AXIN1: variants seen among roughly 807,000 people sequenced by gnomAD.
The protein encoded by AXIN1 is axin 1.
A neutral mutation model predicts 76.4 loss-of-function variants in AXIN1; 30 were observed. The ratio of observed to expected loss-of-function variants is 0.39; its 90% CI spans 0.29 to 0.53. The LOEUF is 0.53. Among genes scored for constraint, AXIN1 ranks in the 20% least tolerant of loss-of-function variants. AXIN1 has a pLI of 0.66. For synonymous variants in AXIN1, 545 were observed against 501.4 expected, an observed-to-expected ratio of 1.09 and a Z score of -1.16; for missense variants, 1,140 against 1,198.8, an observed-to-expected ratio of 0.95 and a Z score of 0.72.
chr16:293,685 C>A lies in AXIN1; in HGVS notation c.1989G>T (p.Glu663Asp), dbSNP rs750092964. 7 of 1,613,602 alleles carry A rather than the reference C, an allele frequency of 4.3e-6. No homozygotes were observed. The highest frequency in any genetic ancestry group is 1.6e-4 in the Middle Eastern group (1 of 6,074). Residue 663 changes from glutamate (E) to aspartate (D), a missense_variant, in exon 8 of 11, where the codon GAG becomes GAT. By Grantham distance (45) the Glu-to-Asp change is conservative. Around this residue, in one of 3 missense-constraint regions of AXIN1, gnomAD observed 429 missense variants for 405.8 expected, o/e 1.06. Transcript: ENST00000262320. The surrounding 1 kb of genome is among the most constrained non-coding windows in gnomAD (Gnocchi z 4.6). ...GCTCAAGGGACAAGGGTCTGGAGTT[C>A]TCATGGGGCTGTGGCTTCCTCGTCC... is the stretch of plus-strand genomic sequence containing the variant. Reference protein sequence around the residue: ...SSGTRKPQPHENSRPLSLEHP... With the variant: ...SSGTRKPQPHDNSRPLSLEHP...
intron 6 of AXIN1, 132 bp downstream of exon 6, chr16:297,590 C>A: frequency 7.6e-7 from 1 of 1,316,250 alleles, no homozygotes; most frequent in Non-Finnish European, 1.0e-6. Flanking sequence ...CCAGTCCACT[C>A]CCTCCAGCAG....
intron 5 of AXIN1, among the ~76,000 whole-genome samples, chr16:298,731 G>A (rs1346501239): frequency 6.6e-6 from 1 of 151,526 alleles, no homozygotes; most frequent in Non-Finnish European, 1.5e-5. Flanking sequence ...GGCTGGTCTC[G>A]AATGCCTGAG....
intron 2 of AXIN1, among the ~76,000 whole-genome samples, chr16:343,605 A>AG: frequency 6.6e-6 from 1 of 151,212 alleles, no homozygotes; most frequent in East Asian, 1.9e-4. Context: ...CGGGAGGCTG[A>AG]GGCAGGAGAC....
At chr16:300,231 C>T (rs749017313) in intron 5 of AXIN1, among the ~76,000 whole-genome samples, 4 of 152,126 alleles carry the variant, frequency 2.6e-5, no homozygotes, top group African/African-American at 4.8e-5. Flanking sequence ...TGTGAGCCAC[C>T]ACACCTAATC....
At position 287,927 on chromosome 16, in the gene AXIN1, T is replaced by TG. The variant is rs1428211659; in HGVS notation, c.*194dup. 6 of 873,858 alleles carry TG rather than the reference T, an allele frequency of 6.9e-6. No homozygotes were observed. The African/African-American group carries it at 9.9e-5, about 14-fold the overall frequency. 54.1% of individuals were successfully genotyped at this position (873,858 alleles called of 1,614,324 possible). On this transcript the variant is annotated 3_prime_UTR_variant, in exon 11 of 11. Coordinates refer to ENST00000262320, the MANE Select transcript of AXIN1 (RefSeq NM_003502.4). ...TGAGGAGTGGTCCAGGCTGCCTCCT[T>TG]GGGGGCAGGACAGAAGCTTGTGGAC...
At chr16:342,437 G>A (rs994995769) in intron 2 of AXIN1, among the ~76,000 whole-genome samples, 2 of 152,150 alleles carry the variant, frequency 1.3e-5, no homozygotes, top group African/African-American at 2.4e-5. Flanking sequence ...CCCCTAACAC[G>A]TGAGGCCTAA....
At chr16:291,162 A>T (rs1253700058) in intron 9 of AXIN1, 28 bp downstream of exon 9, 1 of 1,555,490 alleles carries the variant, frequency 6.4e-7, no homozygotes, top group Admixed American at 1.9e-5. Context: ...GGTGGGCAGG[A>T]CCGGGAGGAC....
intron 2 of AXIN1, 26 bp from the exon 3 acceptor site, chr16:314,709 T>C (rs111593361): frequency 6.2e-7 from 1 of 1,612,568 alleles, no homozygotes; most frequent in Non-Finnish European, 8.5e-7. Context: ...CAGGGCATGT[T>C]AGTGACAGCC....
chr16:315,923 C>T (rs559759898), intron 2 of AXIN1, among the ~76,000 whole-genome samples: 9 of 150,738 alleles, frequency 6.0e-5, no homozygotes, highest in African/African-American at 9.8e-5. Context: ...TGTGGTGGCA[C>T]GCACCTGTAA....
At chr16:320,992 C>A (rs1268802971) in intron 2 of AXIN1, among the ~76,000 whole-genome samples, 2 of 152,058 alleles carry the variant, frequency 1.3e-5, no homozygotes, top group African/African-American at 4.8e-5. Context: ...CCCGCCTCGG[C>A]CTCCCAAAGT....
At chr16:307,086 C>T (rs2053047760) in intron 4 of AXIN1, among the ~76,000 whole-genome samples, 1 of 152,204 alleles carries the variant, frequency 6.6e-6, no homozygotes. Context: ...GCCAGCACTG[C>T]AGGGACCACG....
chr16:318,265 G>C (rs1388322323), intron 2 of AXIN1, among the ~76,000 whole-genome samples: 3 of 152,212 alleles, frequency 2.0e-5, no homozygotes, highest in African/African-American at 7.2e-5. Flanking sequence ...AAACCTGTTT[G>C]TCTTTAAAAT....
chr16:297,356 C>T, intron 6 of AXIN1, 130 bp from the exon 7 acceptor site: 2 of 1,211,576 alleles, frequency 1.7e-6, no homozygotes, highest in Non-Finnish European at 2.3e-6. Flanking sequence ...TGTCCCCTGC[C>T]CGCTTGTCCC....
At position 297,974 on chromosome 16, in the gene AXIN1, G is replaced by A. The variant is rs140190126; in HGVS notation, c.1532C>T (p.Ser511Leu). 79 of 1,601,306 alleles carry A rather than the reference G, an allele frequency of 4.9e-5. No homozygotes were observed. Among genetic ancestry groups the A allele is most frequent in the Middle Eastern group, 1.7e-4 (1 of 6,052 alleles). The change falls in exon 6 of 11, where the codon TCG becomes TTG. Residue 511 changes from serine to leucine, a missense_variant. Physicochemically the swap from Ser to Leu is moderately radical, Grantham distance 145. This residue lies in a region of AXIN1 where 708 missense variants were observed against 776.9 expected (regional missense o/e 0.91). Coordinates refer to ENST00000262320, the MANE Select transcript of AXIN1 (RefSeq NM_003502.4). ...CTTGGGTACGTGCTTCCCGTGCCCC[G>A]AGGCGGCACCCCCCAGTGCCACTGG... ...KMPVALGGAA[S>L]GHGKHVPKSG...
At chr16:318,794 C>T (rs2053365582) in intron 2 of AXIN1, among the ~76,000 whole-genome samples, 1 of 152,206 alleles carries the variant, frequency 6.6e-6, no homozygotes, top group Non-Finnish European at 1.5e-5. Flanking sequence ...TACACCTGCA[C>T]TTCTCAGACA....
chr16:290,508 C>G (rs543481719), intron 9 of AXIN1: 1 of 160,380 alleles, frequency 6.2e-6, no homozygotes, highest in Non-Finnish European at 1.4e-5. Flanking sequence ...GCCCCAAGAC[C>G]GCCTACACGA....
intron 2 of AXIN1, among the ~76,000 whole-genome samples, chr16:333,404 C>T (rs1007715222): frequency 4.7e-5 from 7 of 148,618 alleles, no homozygotes; most frequent in African/African-American, 1.0e-4. Flanking sequence ...GCAGGAGGAT[C>T]GCTCAAGCCT....
At position 346,282 on chromosome 16, in the gene AXIN1, C is replaced by T. The variant is rs139716705; in HGVS notation, c.744G>A (p.Lys248=). 1 of 1,614,224 alleles carries T rather than the reference C, an allele frequency of 6.2e-7. No individual in the cohort carries two copies. Among genetic ancestry groups the T allele is most frequent in the South Asian group, 1.1e-5 (1 of 91,080 alleles). The part of the protein sequence containing the change: ...LPTLNEDEEW[K]CDQDMDEDDG... ...CGTCCTCATCCATGTCCTGGTCACA[C>T]TTCCATTCCTCATCTTCATTTAAGG... Residue 248 remains lysine, a synonymous_variant, in exon 2 of 11, where the codon AAG becomes AAA. Coordinates refer to ENST00000262320, the MANE Select transcript of AXIN1 (RefSeq NM_003502.4).
chr16:328,286 A>G (rs1439661568), intron 2 of AXIN1, among the ~76,000 whole-genome samples: 2 of 151,836 alleles, frequency 1.3e-5, no homozygotes, highest in Non-Finnish European at 2.9e-5. Context: ...CCAGCTACTC[A>G]GGAGGCTGAG....
Sources: allele counts gnomAD v4.1 joint callset (sites outside exome capture counted in the v4.1 genomes callset), GRCh38; gene constraint gnomAD v4.1.1; regional missense constraint gnomAD v4.1.1; non-coding constraint Gnocchi (gnomAD v3.1); transcripts MANE v1.5; gene names NCBI Gene and HGNC (gene_info 2026-07-23, HGNC 2026-07-21).